Variants in NFIC observed in about 807,000 individuals in gnomAD.
NFIC encodes nuclear factor 1 C-type.
A neutral mutation model predicts 54.4 loss-of-function variants in NFIC; 12 were observed. The ratio of observed to expected loss-of-function variants is 0.22; its 90% CI spans 0.14 to 0.36. The LOEUF (loss-of-function observed/expected upper bound fraction) is 0.36, where lower values mean the gene tolerates loss of function less well. Ranked by LOEUF, NFIC falls within the 10% of genes least tolerant of loss-of-function variation. The probability of loss-of-function intolerance (pLI) is 1.00; values close to 1 mark genes in which losing one functional copy is unlikely to be tolerated. For missense variants in NFIC, 575 were observed against 718.2 expected (o/e 0.80, Z 2.28); for synonymous variants, 322 against 319.2 (o/e 1.01, Z -0.09).
intron 9 of NFIC, chr19:3,454,334 A>G (rs1268190608): frequency 1.1e-6 from 1 of 922,936 alleles, no homozygotes; most frequent in South Asian, 4.9e-5. Flanking sequence ...TTTTAAAATC[A>G]GGACGTTTTA....
intron 2 of NFIC, among the ~76,000 whole-genome samples, chr19:3,405,857 C>A (rs2081640432): frequency 6.6e-6 from 1 of 152,036 alleles, no homozygotes; most frequent in African/African-American, 2.4e-5. Context: ...CCTGCCTTGG[C>A]CTCCCAAAGT....
chr19:3,381,741 G>A lies in NFIC; in HGVS notation c.60G>A (p.Leu20=), dbSNP rs773644448. The A allele has an allele frequency of 1.9e-6, 3 of 1,613,702 alleles. No individual in the cohort carries two copies. The African/African-American group carries it at 4.0e-5, about 22-fold the overall frequency. Residue 20 remains leucine, a synonymous_variant, in exon 2 of 11, where the codon CTG becomes CTA. Transcript: ENST00000443272. ...AGTTCCACCCGTTCATCGAGGCCCT[G>A]CTGCCTCACGTCCGCGCCTTCGCCT... is the stretch of plus-strand genomic sequence containing the variant. ...QDEFHPFIEA[L]LPHVRAFAYT...
rs2082681735 is a variant in NFIC at position 3,464,062 on chromosome 19, G to T, written c.*1293G>T. ...TGCCGGGGCGCGGGGGTGGGCTCTG[G>T]GGAAGCCGGTGCGCCCCCCACGCCT... On this transcript the variant is annotated 3_prime_UTR_variant, in exon 11 of 11. Transcript: ENST00000443272. 1.0e-6 allele frequency: 1 copy of T among 984,956 alleles called. No individual in the cohort carries two copies. Among genetic ancestry groups the T allele is most frequent in the African/African-American group, 1.8e-5 (1 of 57,116 alleles). 61.0% of individuals were successfully genotyped at this position (984,956 alleles called of 1,614,324 possible). A position where few individuals can be genotyped will look rare whatever the true frequency, so the allele number is the denominator to read the frequency against.
At chr19:3,457,293 G>A (rs1040740912) in intron 10 of NFIC, among the ~76,000 whole-genome samples, 1 of 152,170 alleles carries the variant, frequency 6.6e-6, no homozygotes, top group Non-Finnish European at 1.5e-5. Flanking sequence ...GAGCATGGCC[G>A]GGGTCCCACC....
At chr19:3,362,308 A>C (rs1415800232), upstream of NFIC, among the ~76,000 whole-genome samples, 2 of 151,728 alleles carry the variant, frequency 1.3e-5, no homozygotes, top group Non-Finnish European at 2.9e-5. Context: ...TTGTGTCTGC[A>C]CTTGTGTGGG....
intron 6 of NFIC, among the ~76,000 whole-genome samples, chr19:3,443,554 C>G (rs2082325448): frequency 1.3e-5 from 2 of 152,182 alleles, no homozygotes; most frequent in African/African-American, 4.8e-5. Flanking sequence ...CCTCCCCACT[C>G]AAGGTGTGGA....
At chr19:3,460,595 C>A (rs1175222295) in intron 10 of NFIC, among the ~76,000 whole-genome samples, 1 of 152,038 alleles carries the variant, frequency 6.6e-6, no homozygotes, top group Non-Finnish European at 1.5e-5. Flanking sequence ...CTGACTACAA[C>A]CTCCGCCCCC....
chr19:3,402,832 T>C (rs965866188), intron 2 of NFIC, among the ~76,000 whole-genome samples: 2 of 152,040 alleles, frequency 1.3e-5, no homozygotes, highest in African/African-American at 4.8e-5. Context: ...CCAGGTGCAT[T>C]GGAGGAACAG....
chr19:3,386,853 G>A (rs900276635), intron 2 of NFIC, among the ~76,000 whole-genome samples: 1 of 152,208 alleles, frequency 6.6e-6, no homozygotes, highest in African/African-American at 2.4e-5. Flanking sequence ...CTTCTGGCAG[G>A]GTTGTGTGAG....
At chr19:3,460,953 C>T (rs942042024) in intron 10 of NFIC, among the ~76,000 whole-genome samples, 1 of 151,802 alleles carries the variant, frequency 6.6e-6, no homozygotes, top group African/African-American at 2.4e-5. Context: ...GGAGAAACCC[C>T]GTTTCTACCA....
intron 2 of NFIC, among the ~76,000 whole-genome samples, chr19:3,414,808 G>GTTTGTCTT (rs1568432937): frequency 1.3e-5 from 2 of 151,652 alleles, no homozygotes. Flanking sequence ...AAAGTGCTTA[G>GTTTGTCTT]TTTGTTTTTT....
At chr19:3,387,362 C>T (rs1231087037) in intron 2 of NFIC, among the ~76,000 whole-genome samples, 2 of 152,014 alleles carry the variant, frequency 1.3e-5, no homozygotes, top group African/African-American at 4.8e-5. Flanking sequence ...ATTAGCCGGG[C>T]GTGGTGGCGG....
At position 3,456,521 on chromosome 19, in the gene NFIC, C is replaced by T. The variant is rs752224790; in HGVS notation, c.1424-29C>T. On this transcript the variant is annotated intron_variant, in intron 9 of 10. Coordinates refer to ENST00000443272, the MANE Select transcript of NFIC (RefSeq NM_001245002.2). The stretch of plus-strand genomic sequence containing the variant: ...CCCGGCTCCCACAACCCCTCGCTAA[C>T]GGGCTCTCGGTCTCTCTCCTCCCTG... 11 of 1,548,916 alleles carry T rather than the reference C, an allele frequency of 7.1e-6. No individual in the cohort carries two copies. The East Asian group carries it at 1.2e-4, about 17-fold the overall frequency.
intron 6 of NFIC, among the ~76,000 whole-genome samples, chr19:3,437,180 A>C (rs932888681): frequency 6.6e-6 from 1 of 152,066 alleles, no homozygotes; most frequent in African/African-American, 2.4e-5. Context: ...ATCCCGGCTA[A>C]CACAGTGAAA....
chr19:3,444,157 G>T (rs921131737), intron 6 of NFIC, among the ~76,000 whole-genome samples: 8 of 129,746 alleles, frequency 6.2e-5, no homozygotes, highest in African/African-American at 2.3e-4. Flanking sequence ...CTCCGACGGG[G>T]TGATGAGGGC....
At chr19:3,367,567 G>T (rs936528444) in intron 1 of NFIC, among the ~76,000 whole-genome samples, 4 of 152,150 alleles carry the variant, frequency 2.6e-5, no homozygotes, top group African/African-American at 7.2e-5. Context: ...GGCCGAGGGG[G>T]TGTGTGGGGA....
rs2080785662 is a variant in NFIC, at chr19:3,359,747, C to T, written c.3+62C>T. 1.8e-5 allele frequency: 25 copies of T among 1,367,816 alleles called. 1 individual carries two copies. The South Asian group carries it at 3.4e-4, about 19-fold the overall frequency. 84.7% of individuals were successfully genotyped at this position (1,367,816 alleles called of 1,614,324 possible). ...ACTTTTTGGGGTGGTGCGTGGGCTC[C>T]GGGCGAAAGTTGCAAGATCTGGGGG... is the stretch of plus-strand genomic sequence containing the variant. On this transcript the variant is annotated intron_variant, in intron 1 of 9. Coordinates refer to the NFIC transcript ENST00000395111.
upstream of NFIC, among the ~76,000 whole-genome samples, chr19:3,364,475 G>T (rs918735412): frequency 2.6e-5 from 4 of 152,108 alleles, no homozygotes; most frequent in South Asian, 8.3e-4. Context: ...TGTGTGCTGC[G>T]GGGGTCCCTT....
chr19:3,439,977 C>T (rs1056843200), intron 6 of NFIC, among the ~76,000 whole-genome samples: 11 of 152,066 alleles, frequency 7.2e-5, no homozygotes, highest in African/African-American at 1.2e-4. Flanking sequence ...CGTGAGCCAC[C>T]GCGCCCGGCC....
Sources: allele counts gnomAD v4.1 joint callset (sites outside exome capture counted in the v4.1 genomes callset), GRCh38; gene constraint gnomAD v4.1.1; transcripts MANE v1.5; gene names NCBI Gene and HGNC (gene_info 2026-07-23, HGNC 2026-07-21).